Variants in PLXNA4 observed in about 807,000 individuals in gnomAD.
PLXNA4 encodes the protein plexin-A4.
In PLXNA4, 44 loss-of-function variants were observed where a neutral mutation model predicts 191.8. That is an observed-to-expected ratio of 0.23 (90% CI 0.18 to 0.29). The LOEUF (loss-of-function observed/expected upper bound fraction) is 0.29, where lower values mean the gene tolerates loss of function less well. Among genes scored for constraint, PLXNA4 ranks in the 10% least tolerant of loss-of-function variants. The pLI is 1.00. For missense variants in PLXNA4, 1,800 were observed against 2,488.8 expected, an observed-to-expected ratio of 0.72 and a Z score of 5.89; for synonymous variants, 1,082 against 1,009.5, an observed-to-expected ratio of 1.07 and a Z score of -1.36.
intron 1 of PLXNA4, among the ~76,000 whole-genome samples, chr7:132,541,618 C>T (rs1425884612): frequency 1.3e-5 from 2 of 152,230 alleles, no homozygotes; most frequent in Non-Finnish European, 2.9e-5. Context: ...TATAAAGCCC[C>T]CTATCCAAAG....
intron 2 of PLXNA4, among the ~76,000 whole-genome samples, chr7:132,501,454 C>T (rs1798247629): frequency 6.6e-6 from 1 of 152,180 alleles, no homozygotes; most frequent in Non-Finnish European, 1.5e-5. Context: ...AAAATTCAGC[C>T]TGTGTGACTC....
At chr7:132,143,694 G>A (rs377485064) in intron 29 of PLXNA4, among the ~76,000 whole-genome samples, 3 of 152,298 alleles carry the variant, frequency 2.0e-5, no homozygotes, top group South Asian at 2.1e-4. Flanking sequence ...AGAGTTAAAC[G>A]CATCTTACCT....
At chr7:132,258,620 AC>A (rs1332411828) in intron 4 of PLXNA4, among the ~76,000 whole-genome samples, 1 of 152,142 alleles carries the variant, frequency 6.6e-6, no homozygotes, top group East Asian at 1.9e-4. Flanking sequence ...GTGATCAGTG[AC>A]CCTGTGACAC....
intron 3 of PLXNA4, among the ~76,000 whole-genome samples, chr7:132,343,886 C>T (rs1803135618): frequency 6.6e-6 from 1 of 152,160 alleles, no homozygotes; most frequent in Non-Finnish European, 1.5e-5. Context: ...TACTTCACTC[C>T]AGCCTAGGTG....
intron 3 of PLXNA4, among the ~76,000 whole-genome samples, chr7:132,382,705 C>A (rs1004704286): frequency 6.6e-6 from 1 of 152,158 alleles, no homozygotes; most frequent in Non-Finnish European, 1.5e-5. Flanking sequence ...GATACGCTGC[C>A]CTTTGTATTC....
intron 1 of PLXNA4, among the ~76,000 whole-genome samples, chr7:132,550,479 A>G (rs551588253): frequency 1.4e-4 from 22 of 152,230 alleles, no homozygotes; most frequent in Non-Finnish European, 2.8e-4. Flanking sequence ...GAGAATAGCA[A>G]TGAGAGGGAG....
intron 1 of PLXNA4, among the ~76,000 whole-genome samples, chr7:132,529,607 C>CTTTTTT (rs35449894): frequency 0.022 from 3,039 of 136,054 alleles, 116 homozygotes; most frequent in African/African-American, 0.064. Flanking sequence ...AATAGGTATT[C>CTTTTTT]TTTTTTTTTT....
intron 3 of PLXNA4, among the ~76,000 whole-genome samples, chr7:132,364,604 G>T (rs188324574): frequency 6.6e-5 from 10 of 152,308 alleles, no homozygotes; most frequent in African/African-American, 1.4e-4. Flanking sequence ...GGGTCATTTA[G>T]CCCCCTTTCT....
At chr7:132,374,341 A>G (rs777552594) in intron 3 of PLXNA4, among the ~76,000 whole-genome samples, 1 of 152,102 alleles carries the variant, frequency 6.6e-6, no homozygotes, top group Admixed American at 6.5e-5. Flanking sequence ...GTCACATGCA[A>G]TTCTATCCAG....
intron 3 of PLXNA4, among the ~76,000 whole-genome samples, chr7:132,419,419 C>T (rs1211600679): frequency 6.6e-6 from 1 of 152,144 alleles, no homozygotes; most frequent in Non-Finnish European, 1.5e-5. Flanking sequence ...CCTGGGTTCA[C>T]CTAGACAAGG....
At chr7:132,405,489 G>A (rs1420308910) in intron 3 of PLXNA4, among the ~76,000 whole-genome samples, 5 of 152,224 alleles carry the variant, frequency 3.3e-5, no homozygotes, top group South Asian at 2.1e-4. Flanking sequence ...GAGGAGCAGG[G>A]GCCACAGGAA....
intron 1 of PLXNA4, among the ~76,000 whole-genome samples, chr7:132,531,200 T>C (rs1799604213): frequency 6.6e-6 from 1 of 152,202 alleles, no homozygotes; most frequent in South Asian, 2.1e-4. Flanking sequence ...AATTTTACGC[T>C]TAAAATGGTT....
intron 24 of PLXNA4, among the ~76,000 whole-genome samples, chr7:132,162,730 A>G (rs894613594): frequency 1.3e-5 from 2 of 152,016 alleles, no homozygotes; most frequent in African/African-American, 4.8e-5. Flanking sequence ...CCTCATTCAC[A>G]GGCTGCTCCT....
At chr7:132,166,740 C>T (rs761618022) in intron 22 of PLXNA4, among the ~76,000 whole-genome samples, 4 of 150,448 alleles carry the variant, frequency 2.7e-5, no homozygotes, top group African/African-American at 7.3e-5. Context: ...AGAGGCAGAG[C>T]GAGACCACGC....
chr7:132,631,324 GC>G (rs1164360057), intron 2 of PLXNA4, among the ~76,000 whole-genome samples: 1 of 152,156 alleles, frequency 6.6e-6, no homozygotes, highest in East Asian at 1.9e-4. Context: ...AAGAGGCACA[GC>G]CCTTATTCTT....
intron 2 of PLXNA4, among the ~76,000 whole-genome samples, chr7:132,625,127 A>C (rs992908520): frequency 2.6e-5 from 4 of 152,144 alleles, no homozygotes; most frequent in East Asian, 1.9e-4. Context: ...CTATCTCAAA[A>C]GTGAGGGCTA....
At chr7:132,155,797 G>A (rs1336696412) in intron 25 of PLXNA4, among the ~76,000 whole-genome samples, 2 of 152,178 alleles carry the variant, frequency 1.3e-5, no homozygotes, top group Non-Finnish European at 2.9e-5. Context: ...ACAGTACCCA[G>A]ATATTTGGTC....
chr7:132,261,412 G>A (rs1322918126), intron 4 of PLXNA4, among the ~76,000 whole-genome samples: 1 of 152,234 alleles, frequency 6.6e-6, no homozygotes, highest in Non-Finnish European at 1.5e-5. Context: ...ACATGTGGGA[G>A]TGCCAGAAGC....
intron 3 of PLXNA4, among the ~76,000 whole-genome samples, chr7:132,352,897 C>T (rs528130213): frequency 2.3e-4 from 35 of 152,188 alleles, no homozygotes; most frequent in Non-Finnish European, 4.3e-4. Flanking sequence ...CAGTCAAGTA[C>T]GTTGCAAAAT....
Sources: allele counts gnomAD v4.1 joint callset (sites outside exome capture counted in the v4.1 genomes callset), GRCh38; gene constraint gnomAD v4.1.1; transcripts MANE v1.5; gene names NCBI Gene and HGNC (gene_info 2026-07-23, HGNC 2026-07-21).